The following RGS7 variants were observed in gnomAD, a reference collection of about 807,000 sequenced individuals.
The protein encoded by RGS7 is regulator of G protein signaling 7, also known as regulator of G-protein signaling 7.
RGS7 carries 27 observed loss-of-function variants against 81.1 expected under a neutral mutation model. The ratio of observed to expected loss-of-function variants is 0.33; its 90% CI spans 0.25 to 0.46. The LOEUF (loss-of-function observed/expected upper bound fraction) is 0.46, where lower values mean the gene tolerates loss of function less well. RGS7 is among the 20% of genes least tolerant of loss of function. The pLI is 1.00. For synonymous variants in RGS7, 208 were observed against 207.7 expected, an observed-to-expected ratio of 1.00 and a Z score of -0.01; for missense variants, 396 against 607.4, an observed-to-expected ratio of 0.65 and a Z score of 3.66.
intron 4 of RGS7, among the ~76,000 whole-genome samples, chr1:240,943,859 T>C (rs529619842): frequency 1.3e-5 from 2 of 152,086 alleles, no homozygotes; most frequent in East Asian, 3.9e-4. Flanking sequence ...AACCTGACAG[T>C]AGAAGAATAA....
chr1:241,106,953 C>G (rs1419164317), intron 2 of RGS7, among the ~76,000 whole-genome samples: 1 of 151,272 alleles, frequency 6.6e-6, no homozygotes, highest in African/African-American at 2.4e-5. Context: ...ATAACCTCCA[C>G]TGAAAATAAA....
intron 9 of RGS7, among the ~76,000 whole-genome samples, chr1:240,855,777 A>C (rs1215611512): frequency 1.3e-5 from 2 of 152,200 alleles, no homozygotes; most frequent in Non-Finnish European, 1.5e-5. Flanking sequence ...TCATATTGTC[A>C]AATTAATTTT....
chr1:241,038,216 G>A (rs1186203937), intron 3 of RGS7, among the ~76,000 whole-genome samples: 1 of 152,168 alleles, frequency 6.6e-6, no homozygotes, highest in Non-Finnish European at 1.5e-5. Context: ...ATGTTCTTAG[G>A]AAAGAATTGG....
intron 3 of RGS7, among the ~76,000 whole-genome samples, chr1:241,049,571 G>C (rs932552303): frequency 2.6e-5 from 4 of 152,144 alleles, no homozygotes; most frequent in Non-Finnish European, 5.9e-5. Context: ...ACAATTGTCT[G>C]TGGACAACTT....
At chr1:240,840,568 C>T (rs138576066) in intron 9 of RGS7, among the ~76,000 whole-genome samples, 61 of 152,344 alleles carry the variant, frequency 4.0e-4, no homozygotes, top group African/African-American at 1.3e-3. Context: ...CCACTGCGCC[C>T]GGCCTCACTG....
At chr1:241,345,165 A>T (rs936205509) in intron 2 of RGS7, among the ~76,000 whole-genome samples, 14 of 152,352 alleles carry the variant, frequency 9.2e-5, no homozygotes, top group East Asian at 5.8e-4. Context: ...GTTCTTACTT[A>T]TAAGTAGGAG....
chr1:241,176,041 G>T (rs1233158449), intron 2 of RGS7, among the ~76,000 whole-genome samples: 2 of 152,144 alleles, frequency 1.3e-5, no homozygotes, highest in African/African-American at 4.8e-5. Flanking sequence ...ATAGGACCTC[G>T]GACTTACCAC....
intron 2 of RGS7, among the ~76,000 whole-genome samples, chr1:241,300,421 A>G (rs1480592908): frequency 6.6e-6 from 1 of 152,218 alleles, no homozygotes; most frequent in East Asian, 1.9e-4. Flanking sequence ...CCATCTATTT[A>G]TCCCTCCCAC....
intron 3 of RGS7, chr1:240,998,524 A>G (rs1301473592): frequency 7.2e-6 from 7 of 967,702 alleles, no homozygotes; most frequent in Admixed American, 5.4e-5. Context: ...TCTTCTCCTC[A>G]GCTGGAGCAG....
chr1:240,884,077 CAAAAAAAAAA>C (rs4047365), intron 6 of RGS7, among the ~76,000 whole-genome samples: 8 of 57,376 alleles, frequency 1.4e-4, no homozygotes, highest in South Asian at 9.5e-4. Flanking sequence ...AACTCCATCT[CAAAAAAAAAA>C]AAAAAAAAAA....
chr1:240,882,911 T>C (rs911312935), intron 6 of RGS7, among the ~76,000 whole-genome samples: 5 of 152,158 alleles, frequency 3.3e-5, no homozygotes, highest in African/African-American at 9.7e-5. Context: ...TATAACAATG[T>C]CACCGGTGTC....
At chr1:241,061,943 A>G (rs1047533750) in intron 3 of RGS7, among the ~76,000 whole-genome samples, 2 of 152,224 alleles carry the variant, frequency 1.3e-5, no homozygotes, top group African/African-American at 4.8e-5. Flanking sequence ...TCGTATCTCA[A>G]CACTCAAGAA....
At chr1:241,012,152 T>A (rs181859421) in intron 3 of RGS7, among the ~76,000 whole-genome samples, 1 of 152,238 alleles carries the variant, frequency 6.6e-6, no homozygotes, top group East Asian at 1.9e-4. Flanking sequence ...ACATTGACTA[T>A]ACCCAGAGAA....
chr1:241,064,183 C>CA (rs140883852), intron 3 of RGS7, among the ~76,000 whole-genome samples: 1,830 of 77,738 alleles, frequency 0.024, 29 homozygotes, highest in East Asian at 0.066. Context: ...AACTCAGTTT[C>CA]AAAAAAAAAA....
intron 6 of RGS7, among the ~76,000 whole-genome samples, chr1:240,900,788 C>T (rs1334844421): frequency 6.6e-6 from 1 of 152,196 alleles, no homozygotes; most frequent in Non-Finnish European, 1.5e-5. Flanking sequence ...ATCTCCAACT[C>T]TGTGCTGGGA....
chr1:241,355,004 T>C lies in RGS7; in HGVS notation c.78+695A>G, dbSNP rs143728272. 9.1e-3 allele frequency among the ~76,000 whole-genome samples: 1,379 copies of C among 152,308 alleles called. 10 individuals are homozygous for C. Among genetic ancestry groups the C allele is most frequent in the Non-Finnish European group, 0.015 (1,041 of 68,018 alleles). Reference sequence around the variant, plus strand: ...GCATCTTTATTATGGTTGCTCAGTGTCTAAAAGTTTGTTGCCAGTAGCATT... The same window carrying C: ...GCATCTTTATTATGGTTGCTCAGTGCCTAAAAGTTTGTTGCCAGTAGCATT... On this transcript the variant is annotated intron_variant, in intron 2 of 18. Transcript: ENST00000440928.
intron 4 of RGS7, among the ~76,000 whole-genome samples, chr1:240,968,816 T>A (rs1432156669): frequency 6.6e-6 from 1 of 152,196 alleles, no homozygotes; most frequent in African/African-American, 2.4e-5. Context: ...ACTGCTGTAG[T>A]TAGCATCTCC....
At chr1:241,157,412 A>C (rs1025300613) in intron 2 of RGS7, among the ~76,000 whole-genome samples, 1 of 152,216 alleles carries the variant, frequency 6.6e-6, no homozygotes, top group Non-Finnish European at 1.5e-5. Flanking sequence ...GCTTCCCTCC[A>C]TGACTCATAG....
At chr1:240,968,044 C>T (rs1334711204) in intron 4 of RGS7, among the ~76,000 whole-genome samples, 1 of 152,068 alleles carries the variant, frequency 6.6e-6, no homozygotes, top group Non-Finnish European at 1.5e-5. Context: ...ATCCAATATC[C>T]CAGGAAGACT....
Sources: gnomAD v4.1 joint callset for allele counts (sites outside exome capture counted in the v4.1 genomes callset) on GRCh38, gnomAD v4.1.1 for gene constraint, MANE v1.5 for transcripts, NCBI Gene and HGNC (gene_info 2026-07-23, HGNC 2026-07-21) for gene names.